Variants in SUMF1 observed in about 807,000 individuals in gnomAD.
SUMF1 encodes sulfatase modifying factor 1.
A neutral mutation model predicts 47.6 loss-of-function variants in SUMF1; 48 were observed. The observed-to-expected ratio is 1.01, with a 90% CI of 0.80 to 1.28. The LOEUF is 1.28. Among genes scored for constraint, SUMF1 ranks in the 50% most tolerant of loss-of-function variants. The pLI is 0.00. For synonymous variants in SUMF1, 230 were observed against 192.1 expected (o/e 1.20, Z -1.63); for missense variants, 571 against 485.4 (o/e 1.18, Z -1.66).
At chr3:4,080,816 T>C (rs977814881) in intron 8 of SUMF1, among the ~76,000 whole-genome samples, 18 of 152,140 alleles carry the variant, frequency 1.2e-4, no homozygotes, top group African/African-American at 3.4e-4. Context: ...ATATTCAAAT[T>C]TCACGAAGAC....
intron 8 of SUMF1, among the ~76,000 whole-genome samples, chr3:4,286,438 A>G (rs916755255): frequency 6.6e-6 from 1 of 152,116 alleles, no homozygotes. Context: ...CTGTGCAACA[A>G]TCAGCGCACA....
intron 8 of SUMF1, among the ~76,000 whole-genome samples, chr3:4,232,230 C>A (rs1263365624): frequency 1.3e-5 from 2 of 152,032 alleles, no homozygotes; most frequent in African/African-American, 4.8e-5. Flanking sequence ...AGGCTTAGAA[C>A]CATGCAGCAA....
chr3:4,378,731 C>T (rs752184707), intron 7 of SUMF1, among the ~76,000 whole-genome samples: 3 of 152,200 alleles, frequency 2.0e-5, no homozygotes, highest in Non-Finnish European at 2.9e-5. Context: ...AATGGCCACA[C>T]TCTCCTACAC....
intron 8 of SUMF1, among the ~76,000 whole-genome samples, chr3:4,232,099 A>T (rs570963481): frequency 2.0e-5 from 3 of 152,136 alleles, no homozygotes; most frequent in Non-Finnish European, 4.4e-5. Context: ...TTAGGTAACC[A>T]GACTCAGCAT....
rs377541528 is a variant in SUMF1, at chr3:4,149,302, C to T, written c.1015-80557G>A. Among the ~76,000 whole-genome samples the T allele has an allele frequency of 7.9e-5, 12 of 152,282 alleles. 2 individuals are homozygous for T. The highest frequency in any genetic ancestry group is 6.5e-5 in the Admixed American group (1 of 15,302). Reference sequence around the variant, plus strand: ...TCACTGAACCTACTGAGAGCATTTACAGCCCCATAATGGAGTCTTCTTGAG... The same window carrying T: ...TCACTGAACCTACTGAGAGCATTTATAGCCCCATAATGGAGTCTTCTTGAG... On this transcript the variant is annotated intron_variant and NMD_transcript_variant, in intron 8 of 12. Transcript: ENST00000448413.
rs149881704 is a variant in SUMF1 at position 4,310,271 on chromosome 3, T to C, written c.1014+66059A>G. On this transcript the variant is annotated intron_variant and NMD_transcript_variant, in intron 8 of 12. Coordinates refer to the SUMF1 transcript ENST00000448413. ...AATGACCTCACATTATTTCTGAAAA[T>C]AATAAATAGCTTTTCAATATGTAAA... Among the ~76,000 whole-genome samples, 11 of 152,356 alleles carry C rather than the reference T, an allele frequency of 7.2e-5. No homozygotes were observed. In the East Asian group the frequency reaches 2.1e-3, roughly 29 times the overall value.
intron 7 of SUMF1, among the ~76,000 whole-genome samples, chr3:4,400,108 C>T (rs1249455228): frequency 6.6e-6 from 1 of 152,142 alleles, no homozygotes; most frequent in Non-Finnish European, 1.5e-5. Context: ...ATTCCTCAAG[C>T]AACCGACCCA....
chr3:4,449,370 G>C (rs781544758), intron 2 of SUMF1, 30 bp from the exon 3 acceptor site: 15 of 1,611,028 alleles, frequency 9.3e-6, no homozygotes, highest in Non-Finnish European at 1.2e-5. Flanking sequence ...TAAAAATCCA[G>C]AAAAGGTTGT....
chr3:4,202,005 ATTGC>A (rs1282737680), intron 8 of SUMF1, among the ~76,000 whole-genome samples: 2 of 151,796 alleles, frequency 1.3e-5, no homozygotes, highest in Non-Finnish European at 2.9e-5. Context: ...CTGGTTATTA[ATTGC>A]TTGTCAGATG....
intron 8 of SUMF1, among the ~76,000 whole-genome samples, chr3:4,157,422 G>A (rs1409964842): frequency 6.6e-6 from 1 of 151,492 alleles, no homozygotes; most frequent in East Asian, 1.9e-4. Context: ...AACATTACAG[G>A]TATTTTATTC....
At chr3:4,302,953 A>G (rs1360884782) in intron 8 of SUMF1, among the ~76,000 whole-genome samples, 3 of 152,098 alleles carry the variant, frequency 2.0e-5, no homozygotes, top group Non-Finnish European at 2.9e-5. Flanking sequence ...ACCCTATCAC[A>G]TGTCAGTCAA....
chr3:4,284,527 C>T (rs1002536345), intron 8 of SUMF1, among the ~76,000 whole-genome samples: 14 of 150,364 alleles, frequency 9.3e-5, no homozygotes, highest in Non-Finnish European at 1.8e-4. Flanking sequence ...CTTGCTTTTC[C>T]ATTCTGCTAC....
At chr3:4,299,845 T>C (rs551101493) in intron 8 of SUMF1, among the ~76,000 whole-genome samples, 4 of 152,302 alleles carry the variant, frequency 2.6e-5, no homozygotes, top group African/African-American at 7.2e-5. Context: ...ATCTGGTACA[T>C]AATAAGTCAA....
intron 8 of SUMF1, among the ~76,000 whole-genome samples, chr3:4,134,019 G>T (rs1186794859): frequency 2.0e-5 from 3 of 151,880 alleles, no homozygotes; most frequent in African/African-American, 7.3e-5. Flanking sequence ...AATAATAATG[G>T]GAGACTTTAA....
intron 1 of SUMF1, among the ~76,000 whole-genome samples, chr3:4,466,712 A>T (rs758631582): frequency 6.6e-6 from 1 of 152,208 alleles, no homozygotes; most frequent in African/African-American, 2.4e-5. Context: ...TGAGATCCTC[A>T]TTAAGAGAAC....
At chr3:4,118,899 C>T (rs970678652) in intron 8 of SUMF1, among the ~76,000 whole-genome samples, 9 of 152,082 alleles carry the variant, frequency 5.9e-5, no homozygotes, top group Admixed American at 3.9e-4. Context: ...GATAGCCTTA[C>T]TCCTAAGTTT....
intron 8 of SUMF1, among the ~76,000 whole-genome samples, chr3:4,213,306 C>A (rs543641554): frequency 6.6e-6 from 1 of 152,090 alleles, no homozygotes; most frequent in Non-Finnish European, 1.5e-5. Flanking sequence ...CATATCCAGT[C>A]AAACTAAGCT....
At chr3:4,326,287 T>C (rs557078197) in intron 8 of SUMF1, among the ~76,000 whole-genome samples, 1 of 152,340 alleles carries the variant, frequency 6.6e-6, no homozygotes, top group Non-Finnish European at 1.5e-5. Context: ...TTTTTTAAAT[T>C]GGCTTTGCTG....
At chr3:4,322,929 T>C (rs933565924) in intron 8 of SUMF1, among the ~76,000 whole-genome samples, 4 of 152,134 alleles carry the variant, frequency 2.6e-5, no homozygotes, top group Non-Finnish European at 5.9e-5. Flanking sequence ...AAAAAAAGTA[T>C]GCACAAATGT....
Sources: allele counts gnomAD v4.1 joint callset (sites outside exome capture counted in the v4.1 genomes callset), GRCh38; gene constraint gnomAD v4.1.1; transcripts MANE v1.5; gene names NCBI Gene and HGNC (gene_info 2026-07-23, HGNC 2026-07-21).